Variants in RRP12 observed in about 807,000 individuals in gnomAD.
RRP12 encodes the protein RRP12-like protein.
Under a neutral mutation model 157.3 loss-of-function variants are expected in RRP12, and 78 were observed. The ratio of observed to expected loss-of-function variants is 0.50; its 90% CI spans 0.41 to 0.60. The LOEUF is 0.60. Among genes scored for constraint, RRP12 ranks in the 20% least tolerant of loss-of-function variants. RRP12 has a pLI of 0.00. For synonymous variants in RRP12, 726 were observed against 670.9 expected, an observed-to-expected ratio of 1.08 and a Z score of -1.27; for missense variants, 1,521 against 1,679.9, an observed-to-expected ratio of 0.91 and a Z score of 1.65.
At chr10:97,369,671 C>T in intron 24 of RRP12, 89 bp from the exon 25 acceptor site, 1 of 1,361,938 alleles carries the variant, frequency 7.3e-7, no homozygotes, top group Non-Finnish European at 1.0e-6. Flanking sequence ...ACTCAAGTGT[C>T]AGTAAAAGCT....
At position 97,381,624 on chromosome 10, in the gene RRP12, C is replaced by T. The variant is rs762559325; in HGVS notation, c.1320+91G>A. ...ATTTTGAGAGCGGCCTCTCTGGGCC[C>T]GAGCTGGTAGCCTGGGGCCAGTGCT... On this transcript the variant is annotated intron_variant, in intron 11 of 33. Transcript: ENST00000370992. 25 of 1,298,612 alleles carry T rather than the reference C, an allele frequency of 1.9e-5. No homozygotes were observed. In the East Asian group the frequency reaches 2.8e-4, roughly 15 times the overall value. The allele number at this position is 1,298,612 out of a possible 1,614,324, so 80.4% of individuals were successfully genotyped here. A position where few individuals can be genotyped will look rare whatever the true frequency, so the allele number is the denominator to read the frequency against.
intron 30 of RRP12, among the ~76,000 whole-genome samples, chr10:97,361,924 T>A (rs1294997946): frequency 3.3e-5 from 5 of 151,712 alleles, no homozygotes; most frequent in Non-Finnish European, 7.4e-5. Flanking sequence ...CTGACCAACA[T>A]GATGAAACCC....
intron 18 of RRP12, 48 bp downstream of exon 18, chr10:97,372,998 C>T (rs1423531935): frequency 6.4e-7 from 1 of 1,560,314 alleles, no homozygotes; most frequent in Non-Finnish European, 8.7e-7. Context: ...TGACCCTGCC[C>T]ACCTGAGAGC....
chr10:97,364,676 C>T (rs948510384), intron 29 of RRP12, among the ~76,000 whole-genome samples: 1 of 152,222 alleles, frequency 6.6e-6, no homozygotes, highest in African/African-American at 2.4e-5. Flanking sequence ...GAGATCGAGC[C>T]ACTGCACTCC....
intron 4 of RRP12, among the ~76,000 whole-genome samples, chr10:97,391,573 A>AAAATAAAT (rs758460233): frequency 1.3e-5 from 2 of 152,038 alleles, no homozygotes; most frequent in South Asian, 4.1e-4. Flanking sequence ...CTCTGTCTCA[A>AAAATAAAT]AAATAAATAA....
At chr10:97,388,186 C>G (rs1844691247) in intron 8 of RRP12, 66 bp downstream of exon 8, 8 of 1,604,278 alleles carry the variant, frequency 5.0e-6, no homozygotes, top group Admixed American at 3.4e-5. Flanking sequence ...TTTTGACTGA[C>G]CAGTGAGTTC....
chr10:97,387,126 C>G (rs1844655424), intron 8 of RRP12, among the ~76,000 whole-genome samples: 2 of 152,072 alleles, frequency 1.3e-5, no homozygotes, highest in Admixed American at 1.3e-4. Flanking sequence ...TCCATATAAC[C>G]TACACGCATC....
chr10:97,366,262 T>G, intron 28 of RRP12, 29 bp from the exon 29 acceptor site: 1 of 1,608,002 alleles, frequency 6.2e-7, no homozygotes. Flanking sequence ...CATGAGGAGG[T>G]GGAAGGCCAG....
chr10:97,390,895 T>A, intron 4 of RRP12, 51 bp from the exon 5 acceptor site: 2 of 1,222,288 alleles, frequency 1.6e-6, no homozygotes, highest in Non-Finnish European at 2.4e-6. Flanking sequence ...GAAGAGCAGC[T>A]GGTGCAGCCC....
chr10:97,376,961 C>G (rs138340936), intron 15 of RRP12, among the ~76,000 whole-genome samples: 1 of 150,906 alleles, frequency 6.6e-6, no homozygotes. Context: ...CTCACTGCAA[C>G]CTCCGCCCCC....
In RRP12 at chr10:97,390,559, C is replaced by T. The variant is rs1269247061; in HGVS notation, c.637-20G>A. 6.3e-7 allele frequency: 1 copy of T among 1,580,724 alleles called. No individual in the cohort carries two copies. The highest frequency in any genetic ancestry group is 8.7e-7 in the Non-Finnish European group (1 of 1,150,814). On this transcript the variant is annotated intron_variant, in intron 5 of 33. Transcript: ENST00000370992. ...AAGGACCTGGAAGAAAGTCAGAGTC[C>T]CTCAGTGCCACCAGCCTCGGCCAGG...
intron 6 of RRP12, among the ~76,000 whole-genome samples, chr10:97,388,936 G>T (rs934860173): frequency 2.6e-5 from 4 of 152,092 alleles, no homozygotes; most frequent in African/African-American, 9.7e-5. Context: ...TTAATCATCC[G>T]GCAAACACTG....
At chr10:97,387,476 G>A (rs917238206) in intron 8 of RRP12, among the ~76,000 whole-genome samples, 1 of 151,678 alleles carries the variant, frequency 6.6e-6, no homozygotes, top group Non-Finnish European at 1.5e-5. Flanking sequence ...TGGGATTATA[G>A]GCGCGTGCAG....
rs1350111996 is a variant in RRP12 at position 97,400,373 on chromosome 10, C to T, written c.301G>A (p.Asp101Asn). ...SSGTFLSGLS[D>N]CTNVTFSKVQ... ...TTGCTGAAGGTGACGTTTGTGCAGT[C>T]GGAAAGGCCACTCAGGAAGGTACCC... Residue 101 changes from aspartate (D) to asparagine (N), a missense_variant, in exon 2 of 34, where the codon GAC (aspartate) becomes AAC (asparagine). Transcript: ENST00000370992. 3 of 1,613,732 alleles carry T rather than the reference C, an allele frequency of 1.9e-6. No individual in the cohort carries two copies. The highest frequency in any genetic ancestry group is 2.5e-6 in the Non-Finnish European group (3 of 1,179,980).
intron 17 of RRP12, 131 bp downstream of exon 17, chr10:97,373,444 G>A: frequency 8.8e-7 from 1 of 1,132,198 alleles, no homozygotes; most frequent in Non-Finnish European, 1.2e-6. Flanking sequence ...GTCTGCAGCA[G>A]AAGCAGCAAA....
At position 97,398,305 on chromosome 10, in the gene RRP12, C is replaced by T. The variant is rs1214707293; in HGVS notation, c.369+2000G>A. ...TCCTGACCTCATGATCCACCCGCCTCGGCCTCCCAAAGTGCTGGGATTACA... is the reference window on the plus strand; with the variant it reads ...TCCTGACCTCATGATCCACCCGCCTTGGCCTCCCAAAGTGCTGGGATTACA... On this transcript the variant is annotated intron_variant, in intron 2 of 33. Coordinates refer to ENST00000370992, the MANE Select transcript of RRP12 (RefSeq NM_015179.4). Among the ~76,000 whole-genome samples, 3 of 101,022 alleles carry T rather than the reference C, an allele frequency of 3.0e-5. 1 individual carries two copies. Among genetic ancestry groups the T allele is most frequent in the African/African-American group, 9.6e-5 (2 of 20,912 alleles). The allele number at this position is 101,022 out of a possible 152,430, so 66.3% of individuals were successfully genotyped here. A position where few individuals can be genotyped will look rare whatever the true frequency, so the allele number is the denominator to read the frequency against.
intron 30 of RRP12, 136 bp downstream of exon 30, chr10:97,363,718 T>C: frequency 1.2e-6 from 1 of 807,652 alleles, no homozygotes; most frequent in Non-Finnish European, 2.2e-6. Flanking sequence ...GACCGCCTGC[T>C]ATGCACACCT....
intron 23 of RRP12, 87 bp from the exon 24 acceptor site, chr10:97,370,361 C>A: frequency 7.3e-7 from 1 of 1,363,006 alleles, no homozygotes. Context: ...CTGCCCAGGG[C>A]CAGGGCACAG....
intron 13 of RRP12, among the ~76,000 whole-genome samples, chr10:97,380,079 C>T (rs149743329): frequency 1.5e-3 from 234 of 152,292 alleles, no homozygotes; most frequent in Non-Finnish European, 2.6e-3. Context: ...AATCAGCAGG[C>T]GCTGAGGAGA....
Sources: gnomAD v4.1 joint callset for allele counts (sites outside exome capture counted in the v4.1 genomes callset) on GRCh38, gnomAD v4.1.1 for gene constraint, MANE v1.5 for transcripts, NCBI Gene and HGNC (gene_info 2026-07-23, HGNC 2026-07-21) for gene names.